The following LPCAT2 variants were observed in gnomAD, a reference collection of about 807,000 sequenced individuals.
LPCAT2 encodes lysophosphatidylcholine acyltransferase 2.
In LPCAT2, 58 loss-of-function variants were observed where a neutral mutation model predicts 64.7. The ratio of observed to expected loss-of-function variants is 0.90; its 90% CI spans 0.73 to 1.12. LPCAT2 has a LOEUF of 1.12. Ranked by LOEUF, LPCAT2 falls within the 50% of genes most tolerant of loss-of-function variation. The probability of loss-of-function intolerance (pLI) is 0.00; values close to 1 mark genes in which losing one functional copy is unlikely to be tolerated. For missense variants in LPCAT2, 579 were observed against 669.8 expected (o/e 0.86, Z 1.50); for synonymous variants, 252 against 245.3 (o/e 1.03, Z -0.26).
chr16:55,530,781 C>T (rs537327904), intron 4 of LPCAT2, among the ~76,000 whole-genome samples: 1 of 152,126 alleles, frequency 6.6e-6, no homozygotes, highest in South Asian at 2.1e-4. Context: ...ATATCTAGGA[C>T]TGGTAGATGG....
At chr16:55,559,664 T>TTC (rs1356882182) in intron 11 of LPCAT2, among the ~76,000 whole-genome samples, 41 of 151,784 alleles carry the variant, frequency 2.7e-4, no homozygotes, top group Non-Finnish European at 4.6e-4. Context: ...TTATATGTAA[T>TTC]ACAGTATTTC....
At chr16:55,539,418 G>A (rs764292878) in intron 8 of LPCAT2, 1 of 152,022 alleles carries the variant, frequency 6.6e-6, no homozygotes, top group Non-Finnish European at 1.5e-5. Context: ...CGTCGACAGA[G>A]ATTTGATGAA....
intron 11 of LPCAT2, among the ~76,000 whole-genome samples, chr16:55,569,273 C>A (rs1963743469): frequency 6.6e-6 from 1 of 152,164 alleles, no homozygotes; most frequent in Non-Finnish European, 1.5e-5. Flanking sequence ...GCACAGAGAT[C>A]ACATCCACTT....
At chr16:55,555,862 T>C (rs1425078874) in intron 11 of LPCAT2, among the ~76,000 whole-genome samples, 1 of 152,224 alleles carries the variant, frequency 6.6e-6, no homozygotes, top group African/African-American at 2.4e-5. Flanking sequence ...TCACCCAGGC[T>C]GTAGTGCAGT....
chr16:55,551,083 T>C lies in LPCAT2; in HGVS notation c.1196T>C (p.Leu399Pro), dbSNP rs774159742. The stretch of plus-strand genomic sequence containing the variant: ...CCTGTTTCAGATGTCTTGAGACAAC[T>C]TTTTGCACTCTTTGACAGGGTATGT... ...KLPVSDVLRQ[L>P]FALFDRNHDG... is the part of the protein sequence containing the mutation. Residue 399 changes from leucine (L) to proline (P), a missense_variant, in exon 11 of 14, where the codon CTT becomes CCT. Leu to Pro is a moderately conservative substitution (Grantham distance 98). Coordinates refer to ENST00000262134, the MANE Select transcript of LPCAT2 (RefSeq NM_017839.5). The C allele has an allele frequency of 1.2e-6, 2 of 1,612,014 alleles. No individual in the cohort carries two copies. Among genetic ancestry groups the C allele is most frequent in the Admixed American group, 1.7e-5 (1 of 59,922 alleles).
intron 6 of LPCAT2, 26 bp from the exon 7 acceptor site, chr16:55,534,417 C>A: frequency 1.4e-6 from 2 of 1,461,150 alleles, no homozygotes; most frequent in Non-Finnish European, 1.9e-6. Context: ...TCCAGACCAA[C>A]AGCTAAAATA....
chr16:55,527,724 A>G (rs183263512), intron 2 of LPCAT2, among the ~76,000 whole-genome samples: 1 of 152,150 alleles, frequency 6.6e-6, no homozygotes, highest in East Asian at 1.9e-4. Context: ...AAGGTTTTTT[A>G]AAAAAGTAGT....
intron 11 of LPCAT2, among the ~76,000 whole-genome samples, chr16:55,570,466 A>T (rs1391348363): frequency 6.6e-6 from 1 of 152,086 alleles, no homozygotes; most frequent in Admixed American, 6.6e-5. Flanking sequence ...TCAACAAAAA[A>T]ATTTAAAAAA....
At chr16:55,526,430 T>G (rs1963171100) in intron 2 of LPCAT2, among the ~76,000 whole-genome samples, 1 of 152,154 alleles carries the variant, frequency 6.6e-6, no homozygotes, top group African/African-American at 2.4e-5. Context: ...GTTGCCAAAT[T>G]TTTATATATA....
At position 55,545,796 on chromosome 16, in the gene LPCAT2, A is replaced by C. The variant is rs1963446467; in HGVS notation, c.914A>C (p.Lys305Thr). 5 of 1,611,896 alleles carry C rather than the reference A, an allele frequency of 3.1e-6. No individual in the cohort carries two copies. The highest frequency in any genetic ancestry group is 4.2e-6 in the Non-Finnish European group (5 of 1,178,818). Residue 305 changes from lysine to threonine, a missense_variant, in exon 9 of 14, where the codon AAA becomes ACA. Physicochemically the swap from Lys to Thr is moderately conservative, Grantham distance 78. Coordinates refer to ENST00000262134, the MANE Select transcript of LPCAT2 (RefSeq NM_017839.5). ...AATGATCCTGTCCTTTTTGCCAATAAAGTCCGGAATTTAATGGCAGAGTAA... is the reference window on the plus strand; with the variant it reads ...AATGATCCTGTCCTTTTTGCCAATACAGTCCGGAATTTAATGGCAGAGTAA... ...EKNDPVLFAN[K>T]VRNLMAEALG...
chr16:55,543,741 G>A (rs2142393427), intron 8 of LPCAT2, among the ~76,000 whole-genome samples: 1 of 152,246 alleles, frequency 6.6e-6, no homozygotes, highest in South Asian at 2.1e-4. Flanking sequence ...CCAATGGGAA[G>A]GACTTCAGAG....
intron 12 of LPCAT2, among the ~76,000 whole-genome samples, chr16:55,577,256 C>T (rs1313818758): frequency 1.3e-5 from 2 of 152,194 alleles, no homozygotes; most frequent in South Asian, 2.1e-4. Context: ...TTTTTATCCT[C>T]CTACCCTTTA....
Position 55,537,632 on chromosome 16 carries a change from G to C in LPCAT2, c.852G>C (p.Glu284Asp). The C allele has an allele frequency of 6.2e-7, 1 of 1,612,638 alleles. No individual in the cohort carries two copies. Among genetic ancestry groups the C allele is most frequent in the Non-Finnish European group, 8.5e-7 (1 of 1,179,146 alleles). ...FCQLFTKVEVEFMPVQVPNDE... is the reference protein window; with the variant it reads ...FCQLFTKVEVDFMPVQVPNDE... ...AGCTCTTCACAAAGGTAGAAGTTGA[G>C]GTAAGTCATTCAAAATGTGGCCTTG... The change falls in exon 8 of 14, where the codon GAG becomes GAC. Residue 284 changes from glutamate to aspartate, a missense_variant and splice_region_variant. Physicochemically the swap from Glu to Asp is conservative, Grantham distance 45. Coordinates refer to ENST00000262134, the MANE Select transcript of LPCAT2 (RefSeq NM_017839.5).
At chr16:55,524,436 T>G (rs1963140000) in intron 1 of LPCAT2, among the ~76,000 whole-genome samples, 1 of 151,980 alleles carries the variant, frequency 6.6e-6, no homozygotes, top group Admixed American at 6.6e-5. Context: ...AAGATGACTT[T>G]CTGGGAGTGG....
intron 1 of LPCAT2, among the ~76,000 whole-genome samples, chr16:55,519,703 C>G (rs1021055541): frequency 1.3e-5 from 2 of 151,976 alleles, no homozygotes; most frequent in Admixed American, 1.3e-4. Context: ...CCATTTAATA[C>G]AAAAATTATT....
chr16:55,562,236 C>T (rs1311123978), intron 11 of LPCAT2, among the ~76,000 whole-genome samples: 1 of 151,908 alleles, frequency 6.6e-6, no homozygotes, highest in Non-Finnish European at 1.5e-5. Context: ...ACCTCATATC[C>T]TTTAGCTCTT....
At position 55,547,384 on chromosome 16, in the gene LPCAT2, C is replaced by T. The variant is rs530417603; in HGVS notation, c.935+1567C>T. On this transcript the variant is annotated intron_variant, in intron 9 of 13. Transcript: ENST00000262134. ...GTGAAATGGGAGTTAAAATCATTGC[C>T]TTGCCTTTCTCATGGTTTTGATTAT... Among the ~76,000 whole-genome samples, 5 of 152,318 alleles carry T rather than the reference C, an allele frequency of 3.3e-5. No individual in the cohort carries two copies. In the South Asian group the frequency reaches 1.0e-3, roughly 32 times the overall value.
In LPCAT2 at chr16:55,583,325, A is replaced by G. The variant is rs1266281137; in HGVS notation, c.*227A>G. 1 of 400,782 alleles carries G rather than the reference A, an allele frequency of 2.5e-6. No homozygotes were observed. Among genetic ancestry groups the G allele is most frequent in the African/African-American group, 2.0e-5 (1 of 50,336 alleles). 24.8% of individuals were successfully genotyped at this position (400,782 alleles called of 1,614,324 possible). A position where few individuals can be genotyped will look rare whatever the true frequency, so the allele number is the denominator to read the frequency against. Reference sequence around the variant, plus strand: ...GTGTTATATTGTACTTTACTGATTCATTTACTGGTGATACATATGTTTTTA... The same window carrying G: ...GTGTTATATTGTACTTTACTGATTCGTTTACTGGTGATACATATGTTTTTA... On this transcript the variant is annotated 3_prime_UTR_variant, in exon 14 of 14. Coordinates refer to ENST00000262134, the MANE Select transcript of LPCAT2 (RefSeq NM_017839.5).
At chr16:55,519,520 G>A (rs55848271) in intron 1 of LPCAT2, among the ~76,000 whole-genome samples, 68,260 of 143,452 alleles carry the variant, frequency 0.48, 17,117 homozygotes, top group Non-Finnish European at 0.55. Flanking sequence ...AAAAAAAAAA[G>A]AAAGAAAGAA....
Sources: gnomAD v4.1 joint callset for allele counts (sites outside exome capture counted in the v4.1 genomes callset) on GRCh38, gnomAD v4.1.1 for gene constraint, MANE v1.5 for transcripts, NCBI Gene and HGNC (gene_info 2026-07-23, HGNC 2026-07-21) for gene names.